Variants in HHLA2 observed in about 807,000 individuals in gnomAD.
HHLA2 encodes the protein HERV-H LTR-associating protein 2.
A neutral mutation model predicts 45.9 loss-of-function variants in HHLA2; 48 were observed. The ratio of observed to expected loss-of-function variants is 1.05; its 90% CI spans 0.83 to 1.33. The LOEUF is 1.33. Ranked by LOEUF, HHLA2 falls within the 40% of genes most tolerant of loss-of-function variation. The probability of loss-of-function intolerance (pLI) is 0.00; values close to 1 mark genes in which losing one functional copy is unlikely to be tolerated. For synonymous variants in HHLA2, 161 were observed against 173.9 expected, an observed-to-expected ratio of 0.93 and a Z score of 0.59; for missense variants, 462 against 494.3, an observed-to-expected ratio of 0.93 and a Z score of 0.62.
intron 2 of HHLA2, among the ~76,000 whole-genome samples, chr3:108,321,522 G>A (rs2081202253): frequency 6.6e-6 from 1 of 152,144 alleles, no homozygotes; most frequent in Non-Finnish European, 1.5e-5. Flanking sequence ...CTGTTGCAAA[G>A]TCTGAAGCCA....
At chr3:108,336,653 G>T (rs947582077) in intron 3 of HHLA2, among the ~76,000 whole-genome samples, 1 of 152,062 alleles carries the variant, frequency 6.6e-6, no homozygotes, top group African/African-American at 2.4e-5. Context: ...TGTACAACTA[G>T]ATCTAAGAGG....
At chr3:108,368,093 A>G (rs2082096672) in intron 8 of HHLA2, among the ~76,000 whole-genome samples, 1 of 152,204 alleles carries the variant, frequency 6.6e-6, no homozygotes, top group African/African-American at 2.4e-5. Flanking sequence ...CCAGAATTTC[A>G]TAACCAGCCA....
intron 2 of HHLA2, among the ~76,000 whole-genome samples, chr3:108,324,905 A>G (rs2081262594): frequency 6.6e-6 from 1 of 152,116 alleles, no homozygotes; most frequent in Non-Finnish European, 1.5e-5. Flanking sequence ...CTTGTGAACC[A>G]CCAAATTATG....
chr3:108,351,652 C>T (rs2081779506), intron 3 of HHLA2, 136 bp from the exon 3 acceptor site: 4 of 530,284 alleles, frequency 7.5e-6, no homozygotes, highest in Non-Finnish European at 1.3e-5. Flanking sequence ...GAAATTCCTT[C>T]CATGCCATTG....
In HHLA2 at chr3:108,308,338, G is replaced by T. The variant is rs1012172518; in HGVS notation, c.-191-2317G>T. On this transcript the variant is annotated intron_variant, in intron 1 of 10. Coordinates refer to ENST00000619531, the Ensembl canonical transcript of HHLA2. ...CCATCCATGTCGTTGCAACTAATTG[G>T]ATCTCATTCTTTTTTATGGCTGAAT... Among the ~76,000 whole-genome samples the T allele has an allele frequency of 5.3e-5, 8 of 152,086 alleles. No individual in the cohort carries two copies. In the South Asian group the frequency reaches 1.0e-3, roughly 20 times the overall value.
intron 8 of HHLA2, among the ~76,000 whole-genome samples, chr3:108,363,475 C>T (rs771628365): frequency 6.6e-6 from 1 of 152,102 alleles, no homozygotes; most frequent in Non-Finnish European, 1.5e-5. Flanking sequence ...GCTATTGCCC[C>T]TGCTGAAGTT....
Position 108,355,183 on chromosome 3 carries a change from A to G in HHLA2, c.487A>G (p.Ser163Gly), listed in dbSNP as rs372523714. 63 of 1,613,650 alleles carry G rather than the reference A, an allele frequency of 3.9e-5. No individual in the cohort carries two copies. The highest frequency in any genetic ancestry group is 5.3e-5 in the Non-Finnish European group (63 of 1,179,792). ...CAGCTTCTTAATATGCAGCGTGTTA[A>G]GTGTTTATCCTCGTCCAATTATCAC... The change falls in exon 6 of 11, where the codon AGT becomes GGT. Residue 163 changes from serine (S) to glycine (G), a missense_variant. Ser to Gly is a moderately conservative substitution (Grantham distance 56). Coordinates refer to ENST00000619531, the Ensembl canonical transcript of HHLA2.
chr3:108,373,047 T>C (rs1226958414), intron 8 of HHLA2, among the ~76,000 whole-genome samples: 1 of 152,280 alleles, frequency 6.6e-6, no homozygotes, highest in Admixed American at 6.5e-5. Context: ...TTTAGACCAA[T>C]ATCCTTGATG....
intron 8 of HHLA2, among the ~76,000 whole-genome samples, chr3:108,371,219 C>G (rs867001769): frequency 1.3e-5 from 2 of 152,102 alleles, no homozygotes; most frequent in African/African-American, 2.4e-5. Context: ...TCATATCCAG[C>G]CAAACTAAGC....
intron 2 of HHLA2, among the ~76,000 whole-genome samples, chr3:108,320,387 G>T (rs1255055189): frequency 6.6e-6 from 1 of 152,158 alleles, no homozygotes; most frequent in African/African-American, 2.4e-5. Flanking sequence ...TTATGAAATA[G>T]AATTTATTAA....
chr3:108,335,077 C>T (rs1235681862), intron 3 of HHLA2, among the ~76,000 whole-genome samples: 2 of 152,170 alleles, frequency 1.3e-5, no homozygotes, highest in Non-Finnish European at 2.9e-5. Context: ...TGGAGAAAGG[C>T]TTTGCTCCCT....
chr3:108,338,242 G>A (rs2081508359), intron 3 of HHLA2, among the ~76,000 whole-genome samples: 1 of 151,602 alleles, frequency 6.6e-6, no homozygotes, highest in Admixed American at 6.6e-5. Context: ...GTAGGATATT[G>A]GGACTTTAAA....
At chr3:108,305,577 C>T (rs956216690) in intron 1 of HHLA2, among the ~76,000 whole-genome samples, 1 of 152,082 alleles carries the variant, frequency 6.6e-6, no homozygotes. Flanking sequence ...AGTGCTGAGT[C>T]CCATGCCCTG....
In HHLA2 at chr3:108,351,691, G is replaced by A. The variant is rs867610864; in HGVS notation, c.-26-97G>A. 3.8e-5 allele frequency: 26 copies of A among 678,998 alleles called. 1 individual carries two copies. The South Asian group carries it at 4.1e-4, about 11-fold the overall frequency. 42.1% of individuals were successfully genotyped at this position (678,998 alleles called of 1,614,324 possible). Reference sequence around the variant, plus strand: ...CATCCTTTACAATATTATATTTAATGGCCACAAAACAATTATTTGTATGAA... The same window carrying A: ...CATCCTTTACAATATTATATTTAATAGCCACAAAACAATTATTTGTATGAA... On this transcript the variant is annotated intron_variant, in intron 3 of 10. Coordinates refer to ENST00000619531, the Ensembl canonical transcript of HHLA2.
At chr3:108,326,483 C>T (rs2081290513) in intron 2 of HHLA2, 1 of 152,122 alleles carries the variant, frequency 6.6e-6, no homozygotes, top group Non-Finnish European at 1.5e-5. Context: ...GGAAAACTGC[C>T]CCCATGAATC....
chr3:108,297,445 G>T (rs539954356), intron 1 of HHLA2, among the ~76,000 whole-genome samples: 1 of 152,158 alleles, frequency 6.6e-6, no homozygotes, highest in Non-Finnish European at 1.5e-5. Flanking sequence ...AATCCTTGGT[G>T]CATTTACCTG....
At chr3:108,320,623 C>T (rs772499506) in intron 2 of HHLA2, among the ~76,000 whole-genome samples, 6 of 152,098 alleles carry the variant, frequency 3.9e-5, no homozygotes, top group Admixed American at 2.0e-4. Flanking sequence ...GTATATATAA[C>T]TATTTGTAGT....
Position 108,353,504 on chromosome 3 carries a change from A to ATTCTCCC in HHLA2, c.147_153dup (p.Ser52ProfsTer5). 1 of 1,610,506 alleles carries ATTCTCCC rather than the reference A, an allele frequency of 6.2e-7. No individual in the cohort carries two copies. The highest frequency in any genetic ancestry group is 8.5e-7 in the Non-Finnish European group (1 of 1,178,258). ...CATTGGAAGACTTGATGAAGATATA[A>ATTCTCCC]TTCTCCCTTCTTCATTTGAGAGGGG... is the stretch of plus-strand genomic sequence containing the variant. On this transcript the variant is annotated frameshift_variant, in exon 5 of 11. Coordinates refer to ENST00000619531, the Ensembl canonical transcript of HHLA2. LOFTEE classifies it high-confidence loss of function.
chr3:108,304,239 G>T (rs560585455), intron 1 of HHLA2, among the ~76,000 whole-genome samples: 1 of 152,296 alleles, frequency 6.6e-6, no homozygotes, highest in East Asian at 1.9e-4. Context: ...TTTAGGCATT[G>T]TGTTACTTTC....
Sources: gnomAD v4.1 joint callset for allele counts (sites outside exome capture counted in the v4.1 genomes callset) on GRCh38, gnomAD v4.1.1 for gene constraint, MANE v1.5 for transcripts, NCBI Gene and HGNC (gene_info 2026-07-23, HGNC 2026-07-21) for gene names.